The following SLC36A1 variants were observed in gnomAD, a reference collection of about 807,000 sequenced individuals.
SLC36A1 encodes proton-coupled amino acid transporter 1.
Under a neutral mutation model 47.5 loss-of-function variants are expected in SLC36A1, and 30 were observed. That is an observed-to-expected ratio of 0.63 (90% confidence interval 0.47 to 0.86). The LOEUF is 0.86. SLC36A1 is among the 40% of genes least tolerant of loss of function. The pLI is 0.00. For synonymous variants in SLC36A1, 255 were observed against 249.7 expected (o/e 1.02, Z -0.20); for missense variants, 517 against 606.0 (o/e 0.85, Z 1.54).
chr5:151,386,197 T>C, the SLC36A1 span, among the ~76,000 whole-genome samples: 45,092 of 151,768 alleles, frequency 0.3, 8,147 homozygotes, highest in African/African-American at 0.5. Flanking sequence ...TCTTTTTGGC[T>C]TTATATTTTG....
In SLC36A1 at chr5:151,468,264, AAAAT is replaced by A. The variant is rs1395008389; in HGVS notation, c.723+341_723+344del. ...AAGACTCTGTCTCAAAAAAAAAAAA[AAAAT>A]ATATATATATATATATATATATATA... is the stretch of plus-strand genomic sequence containing the variant. On this transcript the variant is annotated intron_variant, in intron 7 of 10. Coordinates refer to ENST00000243389, the MANE Select transcript of SLC36A1 (RefSeq NM_078483.4). Among the ~76,000 whole-genome samples, 734 of 78,534 alleles carry A rather than the reference AAAAT, an allele frequency of 9.3e-3. 9 individuals carry two copies. The highest frequency in any genetic ancestry group is 0.057 in the African/African-American group (697 of 12,150). 51.5% of individuals were successfully genotyped at this position (78,534 alleles called of 152,430 possible).
At chr5:151,512,731 T>C in the SLC36A1 span, 1 of 858,144 alleles carries the variant, frequency 1.2e-6, no homozygotes, top group Middle Eastern at 3.0e-4. This position sits in a 1 kb window ranked among gnomAD's most constrained non-coding sequence, Gnocchi z 4.1. Context: ...TTGGCTGTTT[T>C]AGACATGGCA....
chr5:151,412,052 A>G, the SLC36A1 span, among the ~76,000 whole-genome samples: 13 of 144,888 alleles, frequency 9.0e-5, 2 homozygotes, highest in Non-Finnish European at 1.8e-4. Context: ...AACACAAATG[A>G]ATATGGTTGT....
chr5:151,530,500 T>C, the SLC36A1 span, among the ~76,000 whole-genome samples: 17 of 152,210 alleles, frequency 1.1e-4, no homozygotes, highest in Non-Finnish European at 2.2e-4. Flanking sequence ...ATTAAATAAA[T>C]GGCAGGGGGA....
chr5:151,507,349 C>T, the SLC36A1 span: 10 of 1,614,190 alleles, frequency 6.2e-6, no homozygotes, highest in Admixed American at 1.5e-4. Flanking sequence ...CAGGAGCTGG[C>T]ACTCAATGGG....
chr5:151,426,739 T>G, the SLC36A1 span, among the ~76,000 whole-genome samples: 91 of 152,224 alleles, frequency 6.0e-4, no homozygotes, highest in African/African-American at 2.1e-3. Flanking sequence ...GGCTGGGGGA[T>G]GGTCAGGTCT....
At chr5:151,553,435 G>C in the SLC36A1 span, 1 of 1,555,842 alleles carries the variant, frequency 6.4e-7, no homozygotes, top group Non-Finnish European at 8.8e-7. Flanking sequence ...CAAGAGACAG[G>C]AAGACCCAAG....
chr5:151,442,528 G>C (rs975777082), intron 1 of SLC36A1, among the ~76,000 whole-genome samples: 1 of 152,130 alleles, frequency 6.6e-6, no homozygotes, highest in Non-Finnish European at 1.5e-5. Context: ...TTCTAGCTAT[G>C]TGAAAATACA....
chr5:151,457,822 A>G (rs1394206545), intron 1 of SLC36A1, among the ~76,000 whole-genome samples: 2 of 147,832 alleles, frequency 1.4e-5, no homozygotes, highest in Non-Finnish European at 3.0e-5. Context: ...TCCAGAGGGG[A>G]TTTCTGTTTT....
intron 1 of SLC36A1, among the ~76,000 whole-genome samples, chr5:151,454,397 A>C (rs958751644): frequency 6.6e-6 from 1 of 152,090 alleles, no homozygotes; most frequent in African/African-American, 2.4e-5. Flanking sequence ...GGGGACAGAC[A>C]GAGAGCAGGA....
At chr5:151,539,054 G>A in the SLC36A1 span, among the ~76,000 whole-genome samples, 25 of 152,106 alleles carry the variant, frequency 1.6e-4, no homozygotes, top group African/African-American at 5.8e-4. Flanking sequence ...GGAGGGCCAG[G>A]GTGAGCCTGA....
chr5:151,486,034 A>T (rs1393240503), intron 10 of SLC36A1, among the ~76,000 whole-genome samples: 1 of 152,226 alleles, frequency 6.6e-6, no homozygotes, highest in East Asian at 1.9e-4. Flanking sequence ...TTGCGTTGTT[A>T]TAAAGAAGCA....
intron 9 of SLC36A1, among the ~76,000 whole-genome samples, chr5:151,477,266 C>G (rs1179589507): frequency 6.6e-6 from 1 of 152,066 alleles, no homozygotes; most frequent in Admixed American, 6.5e-5. Flanking sequence ...GGGTGAATGT[C>G]CCAGGGCATG....
the SLC36A1 span, chr5:151,347,243 A>G: frequency 1.1e-5 from 18 of 1,610,526 alleles, no homozygotes; most frequent in Non-Finnish European, 1.4e-5. Flanking sequence ...GTTTTTGCCA[A>G]TGCAAGCTTC....
chr5:151,358,093 C>T, the SLC36A1 span, among the ~76,000 whole-genome samples: 1 of 152,126 alleles, frequency 6.6e-6, no homozygotes, highest in Admixed American at 6.5e-5. Flanking sequence ...AGTTGGCTGC[C>T]TGTGATTGAC....
chr5:151,458,663 A>T (rs965927841), intron 1 of SLC36A1, 125 bp from the exon 2 acceptor site: 6 of 1,042,326 alleles, frequency 5.8e-6, no homozygotes, highest in African/African-American at 1.6e-5. Flanking sequence ...TTCATACTTA[A>T]TCCATAGTGG....
downstream of SLC36A1, among the ~76,000 whole-genome samples, chr5:151,496,393 C>T (rs772781361): frequency 2.0e-5 from 3 of 152,114 alleles, no homozygotes; most frequent in East Asian, 1.9e-4. Context: ...ATCAGCAGCG[C>T]GAAAACAGAC....
chr5:151,365,483 A>T, the SLC36A1 span, among the ~76,000 whole-genome samples: 2 of 152,186 alleles, frequency 1.3e-5, no homozygotes, highest in Admixed American at 1.3e-4. Flanking sequence ...CAGCAGGGAA[A>T]CCAAACTCTT....
chr5:151,468,316 A>T (rs1289015818), intron 7 of SLC36A1, among the ~76,000 whole-genome samples: 1 of 109,954 alleles, frequency 9.1e-6, no homozygotes. Flanking sequence ...ATATTTACAT[A>T]TATGTGTATA....
Sources: gnomAD v4.1 joint callset for allele counts (sites outside exome capture counted in the v4.1 genomes callset) on GRCh38, gnomAD v4.1.1 for gene constraint, Gnocchi (gnomAD v3.1) non-coding constraint, MANE v1.5 for transcripts, NCBI Gene and HGNC (gene_info 2026-07-23, HGNC 2026-07-21) for gene names.